Variants in NICOL1 observed in about 807,000 individuals in gnomAD.
NICOL1 encodes NELL2 interacting cell ontogeny regulator 1.
the NICOL1 span, chr4:2,041,718 G>T: frequency 2.1e-5 from 9 of 427,876 alleles, no homozygotes; most frequent in Non-Finnish European, 3.7e-5. Context: ...CTCCTGACCT[G>T]CTGAGCTCCA....
the NICOL1 span, chr4:2,042,696 C>T: frequency 5.7e-6 from 7 of 1,230,964 alleles, no homozygotes; most frequent in South Asian, 1.0e-4. Flanking sequence ...GCGGGTGACC[C>T]CCCCTGCGCC....
At chr4:2,042,767 G>A in the NICOL1 span, 1 of 1,519,236 alleles carries the variant, frequency 6.6e-7, no homozygotes, top group Non-Finnish European at 8.8e-7. Context: ...ACGCCTTCGA[G>A]TTCATGCAGC....
chr4:2,036,781 G>C, the NICOL1 span, among the ~76,000 whole-genome samples: 1 of 152,080 alleles, frequency 6.6e-6, no homozygotes. Flanking sequence ...ATGAGAACCC[G>C]GAAGGAGCAA....
the NICOL1 span, among the ~76,000 whole-genome samples, chr4:2,043,635 G>A: frequency 3.3e-5 from 5 of 152,180 alleles, no homozygotes; most frequent in Non-Finnish European, 7.4e-5. Context: ...AGGTGGGCAC[G>A]CTGGCATGGC....
At chr4:2,037,362 G>A in the NICOL1 span, among the ~76,000 whole-genome samples, 11 of 152,170 alleles carry the variant, frequency 7.2e-5, no homozygotes, top group Non-Finnish European at 1.2e-4. Context: ...CCAAAGTGCC[G>A]GGATTGCAGG....
At chr4:2,039,353 G>A in the NICOL1 span, among the ~76,000 whole-genome samples, 1 of 151,800 alleles carries the variant, frequency 6.6e-6, no homozygotes, top group South Asian at 2.1e-4. Context: ...GGCAGAGGTT[G>A]CAGTGAGCCA....
the NICOL1 span, among the ~76,000 whole-genome samples, chr4:2,043,519 A>C: frequency 6.6e-6 from 1 of 152,160 alleles, no homozygotes; most frequent in Non-Finnish European, 1.5e-5. Flanking sequence ...CAGAGCCTGG[A>C]ACTGAGCTCT....
chr4:2,038,073 A>G, the NICOL1 span, among the ~76,000 whole-genome samples: 1 of 151,074 alleles, frequency 6.6e-6, no homozygotes, highest in Non-Finnish European at 1.5e-5. Context: ...ATGTGTTATT[A>G]AATTTGTGCA....
At chr4:2,042,027 C>A in the NICOL1 span, 2 of 1,474,790 alleles carry the variant, frequency 1.4e-6, no homozygotes, top group South Asian at 1.3e-5. Context: ...GGAACGTCTG[C>A]CGGTGTCCCC....
At chr4:2,041,144 G>A in the NICOL1 span, among the ~76,000 whole-genome samples, 1 of 146,250 alleles carries the variant, frequency 6.8e-6, no homozygotes, top group African/African-American at 2.6e-5. Context: ...GGGCTGCTGG[G>A]TGGGGTGGGG....
At chr4:2,036,681 GT>G in the NICOL1 span, among the ~76,000 whole-genome samples, 5 of 152,172 alleles carry the variant, frequency 3.3e-5, no homozygotes, top group African/African-American at 1.2e-4. Flanking sequence ...ACTCGGATCA[GT>G]TAGCTTGCTT....
At chr4:2,041,382 G>A in the NICOL1 span, among the ~76,000 whole-genome samples, 1 of 152,220 alleles carries the variant, frequency 6.6e-6, no homozygotes, top group African/African-American at 2.4e-5. Context: ...GGCACAGAGA[G>A]GCCGAGGACC....
the NICOL1 span, among the ~76,000 whole-genome samples, chr4:2,040,263 T>C: frequency 1.3e-5 from 2 of 152,272 alleles, no homozygotes; most frequent in East Asian, 3.9e-4. Flanking sequence ...CGTGCCACCA[T>C]ACCCGGCTAA....
the NICOL1 span, chr4:2,042,936 G>C: frequency 7.4e-6 from 5 of 673,558 alleles, no homozygotes; most frequent in Non-Finnish European, 2.3e-6. Context: ...CCTTCACCCC[G>C]ATTTAAGATG....
the NICOL1 span, chr4:2,043,774 A>G: frequency 9.1e-7 from 1 of 1,101,814 alleles, no homozygotes; most frequent in Non-Finnish European, 1.3e-6. Context: ...GAGCCGGTGG[A>G]GATAGGGCTG....
the NICOL1 span, chr4:2,042,774 C>T: frequency 6.6e-7 from 1 of 1,518,580 alleles, no homozygotes. Flanking sequence ...CGAGTTCATG[C>T]AGCGCGCCCT....
chr4:2,042,146 G>A, the NICOL1 span: 87 of 1,448,702 alleles, frequency 6.0e-5, no homozygotes, highest in South Asian at 3.1e-4. Context: ...TGGGCCCGGA[G>A]ACCGGCGGAC....
chr4:2,042,695 C>T, the NICOL1 span: 4 of 1,216,378 alleles, frequency 3.3e-6, no homozygotes, highest in South Asian at 1.4e-5. Context: ...TGCGGGTGAC[C>T]CCCCCTGCGC....
chr4:2,041,430 C>T, the NICOL1 span, among the ~76,000 whole-genome samples: 1 of 151,954 alleles, frequency 6.6e-6, no homozygotes, highest in Admixed American at 6.5e-5. Context: ...CTCCGGTCTC[C>T]GAGGACACCG....
Sources: gnomAD v4.1 joint callset for allele counts (sites outside exome capture counted in the v4.1 genomes callset) on GRCh38, gnomAD v4.1.1 for gene constraint, MANE v1.5 for transcripts, NCBI Gene and HGNC (gene_info 2026-07-23, HGNC 2026-07-21) for gene names.